MAML3: variants seen among roughly 807,000 people sequenced by gnomAD.
MAML3 encodes the protein mastermind like transcriptional coactivator 3.
In MAML3, 27 loss-of-function variants were observed where a neutral mutation model predicts 101.9. That is an observed-to-expected ratio of 0.27 (90% confidence interval 0.20 to 0.37). The LOEUF (loss-of-function observed/expected upper bound fraction) is 0.37, where lower values mean the gene tolerates loss of function less well. MAML3 is among the 10% of genes least tolerant of loss of function. The pLI is 1.00. For synonymous variants in MAML3, 501 were observed against 555.9 expected (o/e 0.90, Z 1.39); for missense variants, 1,316 against 1,444.9 (o/e 0.91, Z 1.45).
intron 2 of MAML3, among the ~76,000 whole-genome samples, chr4:139,886,938 C>T (rs914033649): frequency 1.6e-4 from 24 of 152,244 alleles, no homozygotes; most frequent in African/African-American, 5.3e-4. Context: ...AGACAATTTT[C>T]TTGAAATAAA....
At chr4:139,981,920 A>T (rs1734451893) in intron 1 of MAML3, among the ~76,000 whole-genome samples, 1 of 152,176 alleles carries the variant, frequency 6.6e-6, no homozygotes, top group South Asian at 2.1e-4. Flanking sequence ...GACATGATTT[A>T]TCACGACTGA....
At chr4:139,730,932 C>CTAT (rs1728682694) in intron 2 of MAML3, 1 of 524,892 alleles carries the variant, frequency 1.9e-6, no homozygotes, top group South Asian at 2.6e-5. Flanking sequence ...ATGGGACTGA[C>CTAT]TATTGCATAT....
chr4:140,149,817 T>G (rs1729125043), intron 1 of MAML3, among the ~76,000 whole-genome samples: 1 of 152,214 alleles, frequency 6.6e-6, no homozygotes, highest in Non-Finnish European at 1.5e-5. Flanking sequence ...AACGTTTTCT[T>G]TACAACCTCT....
intron 2 of MAML3, among the ~76,000 whole-genome samples, chr4:139,748,751 T>C (rs1418894175): frequency 9.6e-6 from 1 of 104,050 alleles, no homozygotes. Flanking sequence ...TTTGGAAAGT[T>C]GAGCAATTTC....
At chr4:139,832,392 G>C (rs548669087) in intron 2 of MAML3, among the ~76,000 whole-genome samples, 1 of 151,744 alleles carries the variant, frequency 6.6e-6, no homozygotes, top group African/African-American at 2.4e-5. Context: ...AATTACAAAC[G>C]TGAGCCACCG....
At chr4:139,909,399 T>G (rs537508847) in intron 1 of MAML3, among the ~76,000 whole-genome samples, 168 of 152,248 alleles carry the variant, frequency 1.1e-3, no homozygotes, top group African/African-American at 3.9e-3. Context: ...TATCTCAACA[T>G]CGCTGAAAGA....
intron 1 of MAML3, among the ~76,000 whole-genome samples, chr4:139,895,571 A>G (rs1322698502): frequency 1.3e-5 from 2 of 152,140 alleles, no homozygotes; most frequent in African/African-American, 2.4e-5. Flanking sequence ...TAGCTTTACC[A>G]TTTTCAAAAT....
chr4:139,766,461 C>T (rs1218477102), intron 2 of MAML3, among the ~76,000 whole-genome samples: 2 of 152,194 alleles, frequency 1.3e-5, no homozygotes, highest in East Asian at 1.9e-4. Flanking sequence ...CGTGAGCCAC[C>T]GTGCCCAGTC....
chr4:139,915,913 A>G (rs531052324), intron 1 of MAML3, among the ~76,000 whole-genome samples: 1 of 152,286 alleles, frequency 6.6e-6, no homozygotes, highest in East Asian at 1.9e-4. Flanking sequence ...TGCTACTCAG[A>G]CTGGCCCCAA....
In MAML3 at chr4:139,782,036, TGGAA is replaced by T. The variant is rs747086686; in HGVS notation, c.2080-51373_2080-51370del. 8.1e-4 allele frequency among the ~76,000 whole-genome samples: 123 copies of T among 151,860 alleles called. 2 individuals carry two copies. Among genetic ancestry groups the T allele is most frequent in the Admixed American group, 1.3e-4 (2 of 15,240 alleles). ...AGCATTGAGGGAACTTGTTGAGGAG[TGGAA>T]GGGAGGGGACAAAGAGATCTGAGTA... On this transcript the variant is annotated intron_variant, in intron 2 of 4. Coordinates refer to ENST00000509479, the MANE Select transcript of MAML3 (RefSeq NM_018717.5).
intron 2 of MAML3, among the ~76,000 whole-genome samples, chr4:139,814,025 AACACACACACAC>A (rs70943442): frequency 1.4e-5 from 2 of 145,032 alleles, no homozygotes; most frequent in African/African-American, 5.1e-5. Context: ...CACAAACACA[AACACACACACAC>A]ACACACACAC....
chr4:139,883,291 A>G (rs1286237872), intron 2 of MAML3, among the ~76,000 whole-genome samples: 1 of 152,244 alleles, frequency 6.6e-6, no homozygotes, highest in Non-Finnish European at 1.5e-5. Context: ...AATGTTTTAC[A>G]TGGTCAGAAA....
At chr4:139,956,812 G>A (rs545424728) in intron 1 of MAML3, among the ~76,000 whole-genome samples, 2 of 152,336 alleles carry the variant, frequency 1.3e-5, no homozygotes, top group African/African-American at 4.8e-5. Context: ...GCAAGGGCTT[G>A]TGTTCCCTGC....
intron 1 of MAML3, among the ~76,000 whole-genome samples, chr4:140,117,234 T>G (rs1288493269): frequency 6.6e-6 from 1 of 152,174 alleles, no homozygotes; most frequent in Non-Finnish European, 1.5e-5. Context: ...AGCAAATGTT[T>G]GGGGTTCCTA....
intron 1 of MAML3, among the ~76,000 whole-genome samples, chr4:140,087,163 A>T (rs543789476): frequency 6.6e-6 from 1 of 152,348 alleles, no homozygotes; most frequent in South Asian, 2.1e-4. Flanking sequence ...ATCTCAAAAA[A>T]GAAAATACAA....
At chr4:139,986,029 T>C (rs956643077) in intron 1 of MAML3, among the ~76,000 whole-genome samples, 4 of 152,272 alleles carry the variant, frequency 2.6e-5, no homozygotes, top group African/African-American at 9.6e-5. Flanking sequence ...TTTGCAGATA[T>C]CTAGCCCTCA....
chr4:139,719,925 C>T lies in MAML3; in HGVS notation c.2815G>A (p.Ala939Thr), dbSNP rs765587855. ...HPQMKGPVGQ[A>T]LPRPQAPPRL... ...GGAGGGGCTTGGGGCCTAGGCAAGG[C>T]CTGGCCTACTGGCCCTTTCATCTGT... is the stretch of plus-strand genomic sequence containing the variant. Residue 939 changes from alanine to threonine, a missense_variant, in exon 5 of 5, where the codon GCC (alanine) becomes ACC (threonine). Coordinates refer to ENST00000509479, the MANE Select transcript of MAML3 (RefSeq NM_018717.5). 7.4e-6 allele frequency: 12 copies of T among 1,613,956 alleles called. No homozygotes were observed. In the African/African-American group the frequency reaches 1.3e-4, roughly 18 times the overall value.
intron 2 of MAML3, among the ~76,000 whole-genome samples, chr4:139,736,283 T>TA (rs1452865575): frequency 6.6e-6 from 1 of 152,252 alleles, no homozygotes; most frequent in Non-Finnish European, 1.5e-5. Context: ...CCTGCAAAGA[T>TA]ACTATTGAAA....
chr4:139,719,326 G>T lies in MAML3; in HGVS notation c.3414C>A (p.Pro1138=), dbSNP rs750056337. The change falls in exon 5 of 5, where the codon CCC becomes CCA. Residue 1138 remains proline, a synonymous_variant. Coordinates refer to ENST00000509479, the MANE Select transcript of MAML3 (RefSeq NM_018717.5). ...TGGATCTTGGGGCCTCTCTTGATTAGGGGTTACCAAACAATTCATCAAGCT... is the reference window on the plus strand; with the variant it reads ...TGGATCTTGGGGCCTCTCTTGATTATGGGTTACCAAACAATTCATCAAGCT... ...MQELDELFGN[P] is the part of the protein sequence containing the mutation. The T allele has an allele frequency of 3.2e-6, 5 of 1,582,630 alleles. No homozygotes were observed. Among genetic ancestry groups the T allele is most frequent in the Non-Finnish European group, 4.3e-6 (5 of 1,161,864 alleles).
Sources: gnomAD v4.1 joint callset for allele counts (sites outside exome capture counted in the v4.1 genomes callset) on GRCh38, gnomAD v4.1.1 for gene constraint, MANE v1.5 for transcripts, NCBI Gene and HGNC (gene_info 2026-07-23, HGNC 2026-07-21) for gene names.